The following RGL1 variants were observed in gnomAD, a reference collection of about 807,000 sequenced individuals.
RGL1 encodes ral guanine nucleotide dissociation stimulator like 1, also known as ral guanine nucleotide dissociation stimulator-like 1.
In RGL1, 24 loss-of-function variants were observed where a neutral mutation model predicts 95.2. That is an observed-to-expected ratio of 0.25 (90% CI 0.18 to 0.35). The LOEUF (loss-of-function observed/expected upper bound fraction) is 0.35, where lower values mean the gene tolerates loss of function less well. RGL1 is among the 10% of genes least tolerant of loss of function. The pLI, the probability that RGL1 is intolerant of heterozygous loss-of-function variation, is 1.00. For synonymous variants in RGL1, 329 were observed against 344.9 expected, an observed-to-expected ratio of 0.95 and a Z score of 0.51; for missense variants, 715 against 936.3, an observed-to-expected ratio of 0.76 and a Z score of 3.08.
chr1:183,680,380 G>C (rs1462155786), intron 1 of RGL1, among the ~76,000 whole-genome samples: 1 of 152,102 alleles, frequency 6.6e-6, no homozygotes, highest in Non-Finnish European at 1.5e-5. Flanking sequence ...TCCATCTTGA[G>C]TTAATTTTTG....
At chr1:183,896,103 G>C (rs1435621682) in intron 9 of RGL1, among the ~76,000 whole-genome samples, 1 of 152,208 alleles carries the variant, frequency 6.6e-6, no homozygotes, top group East Asian at 1.9e-4. Flanking sequence ...CTACACACCG[G>C]AAAGAGGTGG....
intron 2 of RGL1, among the ~76,000 whole-genome samples, chr1:183,845,686 T>C (rs543199221): frequency 6.6e-6 from 1 of 152,350 alleles, no homozygotes; most frequent in Admixed American, 6.5e-5. Flanking sequence ...GCTGATGATA[T>C]TGAATCAAAA....
Position 183,758,259 on chromosome 1 carries a change from C to T in RGL1, c.132+15970C>T, listed in dbSNP as rs556010720. Among the ~76,000 whole-genome samples, 85 of 151,250 alleles carry T rather than the reference C, an allele frequency of 5.6e-4. 1 individual carries two copies. Among genetic ancestry groups the T allele is most frequent in the Non-Finnish European group, 1.0e-3 (70 of 67,910 alleles). ...TCGCCCAGGCTGGAGTGCAGTGGCA[C>T]GATCTTGGTTCACTGCAAGCTCTGC... On this transcript the variant is annotated intron_variant, in intron 2 of 18. Coordinates refer to the RGL1 transcript ENST00000304685.
intron 1 of RGL1, among the ~76,000 whole-genome samples, chr1:183,680,171 G>A (rs1479012890): frequency 6.6e-6 from 1 of 152,054 alleles, no homozygotes; most frequent in East Asian, 1.9e-4. Flanking sequence ...TAGGTTGCCT[G>A]TTCACTCCAA....
intron 1 of RGL1, among the ~76,000 whole-genome samples, chr1:183,687,016 C>T (rs1004930714): frequency 9.2e-5 from 14 of 152,188 alleles, no homozygotes; most frequent in Admixed American, 4.6e-4. Context: ...TGACATCAAT[C>T]CATCAGCACA....
chr1:183,742,166 G>A lies in RGL1; in HGVS notation c.9G>A (p.Val3=), dbSNP rs768678965. ...TGCCTGCCTCTTTCAAGATGGAGGT[G>A]AAACCTGTGGGAGAACCTACTCAAG... The change falls in exon 2 of 19, where the codon GTG becomes GTA. Residue 3 remains valine (V), a synonymous_variant. Transcript: ENST00000304685. 4.3e-6 allele frequency: 7 copies of A among 1,613,920 alleles called. No individual in the cohort carries two copies. In the South Asian group the frequency reaches 6.6e-5, roughly 15 times the overall value.
chr1:183,681,888 C>T (rs1441008184), intron 1 of RGL1, among the ~76,000 whole-genome samples: 2 of 152,128 alleles, frequency 1.3e-5, no homozygotes, highest in Non-Finnish European at 2.9e-5. Flanking sequence ...TCGACTTCTT[C>T]CTGGTTTAGT....
At chr1:183,882,731 G>A (rs1037071120) in intron 5 of RGL1, among the ~76,000 whole-genome samples, 1 of 152,166 alleles carries the variant, frequency 6.6e-6, no homozygotes, top group African/African-American at 2.4e-5. Context: ...CCCTAAAGGG[G>A]AAGTGGTGTA....
chr1:183,907,967 A>T (rs1668432548), intron 14 of RGL1, among the ~76,000 whole-genome samples: 1 of 152,142 alleles, frequency 6.6e-6, no homozygotes, highest in African/African-American at 2.4e-5. Flanking sequence ...ACTGCACTCT[A>T]GCCTGGATGA....
At chr1:183,663,894 T>C (rs1651842472) in intron 1 of RGL1, among the ~76,000 whole-genome samples, 1 of 151,426 alleles carries the variant, frequency 6.6e-6, no homozygotes, top group Admixed American at 6.6e-5. Context: ...TAAAAAATGA[T>C]GAGTTCATGT....
intron 1 of RGL1, among the ~76,000 whole-genome samples, chr1:183,730,063 A>G (rs527746327): frequency 1.3e-5 from 2 of 152,286 alleles, no homozygotes; most frequent in South Asian, 4.1e-4. Flanking sequence ...GGTGTATACT[A>G]TTTGTCAAAA....
intron 12 of RGL1, 43 bp from the exon 13 acceptor site, chr1:183,904,807 T>G (rs1199204468): frequency 6.4e-7 from 1 of 1,569,766 alleles, no homozygotes; most frequent in Non-Finnish European, 8.6e-7. Context: ...GGCCTTATTA[T>G]TCAGTCTTTT....
intron 2 of RGL1, among the ~76,000 whole-genome samples, chr1:183,809,469 C>T (rs1008373098): frequency 2.6e-5 from 4 of 152,182 alleles, no homozygotes; most frequent in African/African-American, 7.2e-5. Context: ...CATCCTTGCC[C>T]ATTGACGGTG....
At chr1:183,755,519 T>TA (rs939969780) in intron 2 of RGL1, among the ~76,000 whole-genome samples, 20 of 151,478 alleles carry the variant, frequency 1.3e-4, no homozygotes, top group African/African-American at 4.4e-4. Flanking sequence ...AGTACCTTTT[T>TA]AAAAAAAAAG....
chr1:183,833,060 C>T (rs2102493031), intron 2 of RGL1, among the ~76,000 whole-genome samples: 1 of 152,254 alleles, frequency 6.6e-6, no homozygotes, highest in Middle Eastern at 3.4e-3. Context: ...CATAAACACA[C>T]AAGCAAGATC....
At chr1:183,894,376 T>C (rs1028129405) in intron 9 of RGL1, among the ~76,000 whole-genome samples, 1 of 152,232 alleles carries the variant, frequency 6.6e-6, no homozygotes, top group Admixed American at 6.5e-5. Context: ...AAATTTCTTA[T>C]AGATATGACT....
At chr1:183,834,853 C>A (rs1558236935) in intron 2 of RGL1, among the ~76,000 whole-genome samples, 2 of 151,842 alleles carry the variant, frequency 1.3e-5, no homozygotes, top group African/African-American at 4.8e-5. Context: ...GGCTAATTTT[C>A]TAATTTTTTT....
chr1:183,843,170 G>A (rs1312763197), intron 2 of RGL1, among the ~76,000 whole-genome samples: 2 of 152,172 alleles, frequency 1.3e-5, no homozygotes, highest in Non-Finnish European at 2.9e-5. Context: ...AACATGCATT[G>A]TTATTTTGTG....
At chr1:183,900,327 G>A in intron 11 of RGL1, 91 bp downstream of exon 11, 2 of 987,082 alleles carry the variant, frequency 2.0e-6, no homozygotes, top group Non-Finnish European at 3.2e-6. Context: ...TCTTTTGAAG[G>A]TCCAAAAGTA....
Sources: allele counts gnomAD v4.1 joint callset (sites outside exome capture counted in the v4.1 genomes callset), GRCh38; gene constraint gnomAD v4.1.1; transcripts MANE v1.5; gene names NCBI Gene and HGNC (gene_info 2026-07-23, HGNC 2026-07-21).